Variants in STXBP5L observed in about 807,000 individuals in gnomAD.
STXBP5L encodes syntaxin binding protein 5L.
Under a neutral mutation model 144.5 loss-of-function variants are expected in STXBP5L, and 65 were observed. The ratio of observed to expected loss-of-function variants is 0.45; its 90% CI spans 0.37 to 0.55. The LOEUF is 0.55. Among genes scored for constraint, STXBP5L ranks in the 20% least tolerant of loss-of-function variants. STXBP5L has a pLI of 0.00. For missense variants in STXBP5L, 1,298 were observed against 1,405.5 expected (o/e 0.92, Z 1.22); for synonymous variants, 505 against 469.6 (o/e 1.08, Z -0.97).
At chr3:121,021,108 C>T (rs1392094079) in intron 3 of STXBP5L, among the ~76,000 whole-genome samples, 1 of 149,614 alleles carries the variant, frequency 6.7e-6, no homozygotes, top group Non-Finnish European at 1.5e-5. Flanking sequence ...CAGAAGCAAG[C>T]AGGAGTAGCT....
At chr3:121,106,428 C>T (rs535164797) in intron 5 of STXBP5L, among the ~76,000 whole-genome samples, 2 of 151,880 alleles carry the variant, frequency 1.3e-5, no homozygotes, top group South Asian at 4.2e-4. Context: ...CCAACAGGCC[C>T]CAGTGTGTGT....
At chr3:121,267,697 C>T (rs2050612943) in intron 18 of STXBP5L, among the ~76,000 whole-genome samples, 1 of 152,086 alleles carries the variant, frequency 6.6e-6, no homozygotes, top group Non-Finnish European at 1.5e-5. Flanking sequence ...CTACAAAGAA[C>T]TTTAACAAAT....
intron 3 of STXBP5L, among the ~76,000 whole-genome samples, chr3:121,007,645 G>C (rs756994641): frequency 6.6e-6 from 1 of 152,004 alleles, no homozygotes; most frequent in Non-Finnish European, 1.5e-5. Context: ...AACAGGATGA[G>C]GGTGGGATAT....
At chr3:120,957,015 G>T (rs909487510) in intron 3 of STXBP5L, among the ~76,000 whole-genome samples, 1 of 151,832 alleles carries the variant, frequency 6.6e-6, no homozygotes, top group Admixed American at 6.6e-5. Context: ...TAGTAAAAGG[G>T]TCTAATCTCA....
chr3:121,130,512 T>C (rs1577028263), intron 7 of STXBP5L, among the ~76,000 whole-genome samples: 1 of 152,066 alleles, frequency 6.6e-6, no homozygotes, highest in Admixed American at 6.6e-5. Flanking sequence ...TATAATCTTA[T>C]GGGATTGGAA....
At chr3:121,415,167 G>A (rs1304399927) in intron 24 of STXBP5L, among the ~76,000 whole-genome samples, 1 of 152,126 alleles carries the variant, frequency 6.6e-6, no homozygotes, top group East Asian at 1.9e-4. Context: ...CACACTGATG[G>A]TTCTTCAACT....
chr3:121,341,914 G>T (rs913034264), intron 20 of STXBP5L, among the ~76,000 whole-genome samples: 21 of 151,820 alleles, frequency 1.4e-4, no homozygotes, highest in Admixed American at 6.6e-4. Context: ...AAATGAATAA[G>T]ACTAGTATTT....
intron 3 of STXBP5L, among the ~76,000 whole-genome samples, chr3:120,961,196 A>G (rs1382857610): frequency 1.0e-5 from 1 of 96,596 alleles, no homozygotes; most frequent in Non-Finnish European, 2.1e-5. Context: ...GATTTTATTT[A>G]GTTTTTTTTT....
chr3:121,312,838 GAA>G (rs562047367), intron 19 of STXBP5L, among the ~76,000 whole-genome samples: 3 of 152,252 alleles, frequency 2.0e-5, no homozygotes, highest in South Asian at 4.1e-4. Context: ...AGAACAAAAT[GAA>G]AAGTCTCCCA....
intron 9 of STXBP5L, among the ~76,000 whole-genome samples, chr3:121,184,339 A>G (rs1270685386): frequency 6.6e-6 from 1 of 151,908 alleles, no homozygotes; most frequent in East Asian, 1.9e-4. Context: ...GAAATTGCTA[A>G]CTAGAATAAC....
rs571049560 is a variant in STXBP5L at position 121,279,592 on chromosome 3, G to A, written c.1959-213G>A. ...AAACTGCTGGCAAAATATAATTGCCGATCATCCTTTTTTTGTGGTAAATTG... is the reference window on the plus strand; with the variant it reads ...AAACTGCTGGCAAAATATAATTGCCAATCATCCTTTTTTTGTGGTAAATTG... On this transcript the variant is annotated intron_variant, in intron 18 of 26. Coordinates refer to ENST00000471454, the MANE Select transcript of STXBP5L (RefSeq NM_001308330.2). Among the ~76,000 whole-genome samples the A allele has an allele frequency of 1.1e-4, 16 of 151,884 alleles. No homozygotes were observed. The South Asian group carries it at 1.9e-3, about 18-fold the overall frequency.
chr3:121,132,051 CA>C (rs1451859767), intron 7 of STXBP5L, among the ~76,000 whole-genome samples: 1 of 152,128 alleles, frequency 6.6e-6, no homozygotes, highest in Non-Finnish European at 1.5e-5. Context: ...TTTAGCACCT[CA>C]ATTTTTCCAA....
chr3:121,210,397 G>C (rs1269968794), intron 10 of STXBP5L, among the ~76,000 whole-genome samples: 1 of 151,696 alleles, frequency 6.6e-6, no homozygotes, highest in Non-Finnish European at 1.5e-5. Context: ...TCACTCTGAT[G>C]GTCGTTTCTT....
At chr3:121,148,294 CA>C (rs1455527110) in intron 7 of STXBP5L, among the ~76,000 whole-genome samples, 9 of 152,234 alleles carry the variant, frequency 5.9e-5, no homozygotes, top group African/African-American at 2.2e-4. Context: ...CAAAAAATCA[CA>C]ACCAATTTAT....
intron 5 of STXBP5L, among the ~76,000 whole-genome samples, chr3:121,056,382 T>G (rs1948462230): frequency 6.6e-6 from 1 of 152,102 alleles, no homozygotes; most frequent in Non-Finnish European, 1.5e-5. Context: ...TCTGTACTTA[T>G]TATGTATATT....
chr3:121,369,284 A>G (rs1158732178), intron 20 of STXBP5L, among the ~76,000 whole-genome samples: 1 of 151,376 alleles, frequency 6.6e-6, no homozygotes. Flanking sequence ...TGTCAGTGCA[A>G]TTGTTATCTA....
At chr3:121,285,672 A>G (rs1199434666) in intron 19 of STXBP5L, among the ~76,000 whole-genome samples, 2 of 152,108 alleles carry the variant, frequency 1.3e-5, no homozygotes, top group Non-Finnish European at 2.9e-5. Context: ...TTTGAAAAGA[A>G]CAGCAGACAT....
intron 9 of STXBP5L, among the ~76,000 whole-genome samples, chr3:121,169,332 C>G (rs1046753169): frequency 6.6e-6 from 1 of 152,158 alleles, no homozygotes; most frequent in African/African-American, 2.4e-5. Flanking sequence ...CAAATTCACA[C>G]ATAACAATAT....
At chr3:120,962,814 A>C (rs1237200464) in intron 3 of STXBP5L, among the ~76,000 whole-genome samples, 2 of 152,188 alleles carry the variant, frequency 1.3e-5, no homozygotes, top group Non-Finnish European at 2.9e-5. Flanking sequence ...CTGTGAAGAA[A>C]GTCATTGGTA....
Sources: gnomAD v4.1 joint callset for allele counts (sites outside exome capture counted in the v4.1 genomes callset) on GRCh38, gnomAD v4.1.1 for gene constraint, MANE v1.5 for transcripts, NCBI Gene and HGNC (gene_info 2026-07-23, HGNC 2026-07-21) for gene names.